The following IFRD1 variants were observed in gnomAD, a reference collection of about 807,000 sequenced individuals.
IFRD1 encodes the protein interferon related developmental regulator 1.
In IFRD1, 35 loss-of-function variants were observed where a neutral mutation model predicts 52.9. The observed-to-expected ratio is 0.66, with a 90% CI of 0.51 to 0.88. The LOEUF (loss-of-function observed/expected upper bound fraction) is 0.88, where lower values mean the gene tolerates loss of function less well. Among genes scored for constraint, IFRD1 ranks in the 40% least tolerant of loss-of-function variants. The pLI is 0.00. For missense variants in IFRD1, 517 were observed against 550.8 expected (o/e 0.94, Z 0.61); for synonymous variants, 184 against 188.4 (o/e 0.98, Z 0.19).
chr7:112,452,832 G>A (rs1223469682), intron 1 of IFRD1, among the ~76,000 whole-genome samples: 1 of 152,188 alleles, frequency 6.6e-6, no homozygotes, highest in African/African-American at 2.4e-5. Flanking sequence ...TAAACAAGTG[G>A]AAAATAATTC....
Position 112,475,228 on chromosome 7 carries a change from G to T in IFRD1, c.1267-202G>T, listed in dbSNP as rs764522653. On this transcript the variant is annotated intron_variant, in intron 11 of 11. Coordinates refer to ENST00000403825, the MANE Select transcript of IFRD1 (RefSeq NM_001550.4). ...CCACCTCGGCCTCCCAGAGTGCTGG[G>T]ATTACAGGTGTGAGCCACCTTGCAT... is the stretch of plus-strand genomic sequence containing the variant. Among the ~76,000 whole-genome samples the T allele has an allele frequency of 4.6e-5, 7 of 152,256 alleles. No individual in the cohort carries two copies. In the South Asian group the frequency reaches 6.2e-4, roughly 14 times the overall value.
rs765865687 is a variant in IFRD1, at chr7:112,472,211, T to C, written c.1042-8T>C. ...GCCTGTGGTAATTTTGGTTCTTCCA[T>C]TGGTTAGGAACGGGATTTTCCAACA... On this transcript the variant is annotated splice_region_variant and splice_polypyrimidine_tract_variant and intron_variant, in intron 9 of 11. Coordinates refer to ENST00000403825, the MANE Select transcript of IFRD1 (RefSeq NM_001550.4). 1.2e-6 allele frequency: 2 copies of C among 1,613,874 alleles called. No individual in the cohort carries two copies. The highest frequency in any genetic ancestry group is 8.5e-7 in the Non-Finnish European group (1 of 1,179,834).
At chr7:112,447,283 T>C (rs982265847), upstream of IFRD1, among the ~76,000 whole-genome samples, 1 of 152,264 alleles carries the variant, frequency 6.6e-6, no homozygotes, top group Non-Finnish European at 1.5e-5. Flanking sequence ...TAAGTTGTTT[T>C]GTAAAAGAAG....
chr7:112,425,352 G>A (rs776314146), intron 1 of IFRD1, among the ~76,000 whole-genome samples: 1 of 152,162 alleles, frequency 6.6e-6, no homozygotes, highest in African/African-American at 2.4e-5. Context: ...ACTGAATGAG[G>A]AAGATCTGCC....
At chr7:112,456,153 A>G (rs1795287123) in intron 3 of IFRD1, 67 bp downstream of exon 3, 3 of 909,888 alleles carry the variant, frequency 3.3e-6, no homozygotes, top group South Asian at 2.6e-5. Context: ...GCTAAGAGAA[A>G]TGATTATTCT....
At chr7:112,450,842 G>T (rs141852718) in intron 1 of IFRD1, 60 bp downstream of exon 1, 40 of 1,162,784 alleles carry the variant, frequency 3.4e-5, no homozygotes, top group South Asian at 1.7e-4. Flanking sequence ...AGTCTTCCAT[G>T]CTTCGGCACG....
chr7:112,468,020 C>CT lies in IFRD1; in HGVS notation c.948dup (p.Arg317Ter). On this transcript the variant is annotated frameshift_variant, in exon 9 of 12. Coordinates refer to ENST00000403825, the MANE Select transcript of IFRD1 (RefSeq NM_001550.4). LOFTEE classifies it high-confidence loss of function. Reference sequence around the variant, plus strand: ...AGACATGGAGTCCTTGACGCAGATGCTTAGGGCCTTGGCAACAGATGGAAA... The same window carrying CT: ...AGACATGGAGTCCTTGACGCAGATGCTTTAGGGCCTTGGCAACAGATGGAAA... 6.2e-7 allele frequency: 1 copy of CT among 1,613,992 alleles called. No homozygotes were observed. The highest frequency in any genetic ancestry group is 8.5e-7 in the Non-Finnish European group (1 of 1,179,920).
At chr7:112,452,137 C>G in intron 1 of IFRD1, 1 of 971,658 alleles carries the variant, frequency 1.0e-6, no homozygotes, top group Non-Finnish European at 1.2e-6. Context: ...TCTGGTTGCT[C>G]TATGTGAATT....
intron 1 of IFRD1, chr7:112,435,348 G>C (rs1214125685): frequency 6.6e-6 from 1 of 152,176 alleles, no homozygotes; most frequent in Non-Finnish European, 1.5e-5. Context: ...CCAGGACAAT[G>C]AGTCATTATT....
rs1013424578 is a variant in IFRD1, at chr7:112,470,967, T to C, written c.1042-1252T>C. Among the ~76,000 whole-genome samples, 3 of 152,212 alleles carry C rather than the reference T, an allele frequency of 2.0e-5. No individual in the cohort carries two copies. In the East Asian group the frequency reaches 5.8e-4, roughly 29 times the overall value. On this transcript the variant is annotated intron_variant, in intron 9 of 11. Transcript: ENST00000403825. ...GAGGATTGACTATATATGTAAAAGA[T>C]TGAGATTAACCTTGAATTGTGGAGG...
chr7:112,477,010 TAC>T lies in IFRD1; in HGVS notation c.*1493_*1494del, dbSNP rs1455038157. ...CTGTTGCTGAGTCCCATCCCCCAGT[TAC>T]AGTGCAGTGGAAAACAGGTTTAGAA... On this transcript the variant is annotated 3_prime_UTR_variant, in exon 12 of 12. Transcript: ENST00000403825. 1 of 152,162 alleles carries T rather than the reference TAC, an allele frequency of 6.6e-6. No homozygotes were observed. The allele number at this position is 152,162 out of a possible 1,614,324, so 9.4% of individuals were successfully genotyped here. A position where few individuals can be genotyped will look rare whatever the true frequency, so the allele number is the denominator to read the frequency against.
chr7:112,472,629 A>G lies in IFRD1; in HGVS notation c.1171-137A>G. On this transcript the variant is annotated intron_variant, in intron 10 of 11. Transcript: ENST00000403825. ...AGGCATTGAAAACAATTTGCTTTCT[A>G]TTGAGAAACAGAAAATAAGTGATCT... The G allele has an allele frequency of 4.0e-6, 3 of 748,496 alleles. No individual in the cohort carries two copies. The South Asian group carries it at 4.6e-5, about 11-fold the overall frequency. 46.4% of individuals were successfully genotyped at this position (748,496 alleles called of 1,614,324 possible). A position where few individuals can be genotyped will look rare whatever the true frequency, so the allele number is the denominator to read the frequency against.
At chr7:112,457,263 G>A in intron 4 of IFRD1, 1 of 597,570 alleles carries the variant, frequency 1.7e-6, no homozygotes, top group Non-Finnish European at 3.0e-6. Flanking sequence ...AAGGATTAGG[G>A]TAGATTGTCA....
At chr7:112,435,004 ACTT>A (rs1281935786) in intron 1 of IFRD1, among the ~76,000 whole-genome samples, 4 of 152,132 alleles carry the variant, frequency 2.6e-5, no homozygotes, top group African/African-American at 7.2e-5. Flanking sequence ...TCATTTAAAA[ACTT>A]CTTCTGAGAG....
At chr7:112,425,640 T>C (rs1358811406) in intron 1 of IFRD1, among the ~76,000 whole-genome samples, 1 of 152,182 alleles carries the variant, frequency 6.6e-6, no homozygotes, top group Non-Finnish European at 1.5e-5. Context: ...CACTACCAGC[T>C]CTCTGGTTCT....
chr7:112,470,669 C>T (rs1164775417), intron 9 of IFRD1, among the ~76,000 whole-genome samples: 2 of 152,056 alleles, frequency 1.3e-5, no homozygotes, highest in Admixed American at 1.3e-4. Context: ...TCCAGGATCC[C>T]CCTCAGATAC....
chr7:112,449,045 T>A (rs1260381569), upstream of IFRD1, among the ~76,000 whole-genome samples: 6 of 152,226 alleles, frequency 3.9e-5, no homozygotes, highest in Non-Finnish European at 8.8e-5. Flanking sequence ...TTAAAGTTAG[T>A]CATGGGAGCC....
Position 112,468,080 on chromosome 7 carries a change from CGG to C in IFRD1, c.1007_1008del (p.Arg336LeufsTer21). 1 of 1,613,978 alleles carries C rather than the reference CGG, an allele frequency of 6.2e-7. No individual in the cohort carries two copies. The highest frequency in any genetic ancestry group is 8.5e-7 in the Non-Finnish European group (1 of 1,179,914). ...GGCCAAAGTGGACAAGAGAAAGCAG[CGG>C]TCAGTTTTCAGAGATGTCCTGAGGG... ...HRAKVDKRKQ[R>X]SVFRDVLRAV... is the part of the protein sequence containing the mutation. On this transcript the variant is annotated frameshift_variant, in exon 9 of 12. Transcript: ENST00000403825. LOFTEE classifies it high-confidence loss of function.
chr7:112,450,620 G>A lies in IFRD1; in HGVS notation c.-69G>A, dbSNP rs911224866. The A allele has an allele frequency of 7.8e-7, 1 of 1,276,566 alleles. No homozygotes were observed. Among genetic ancestry groups the A allele is most frequent in the Non-Finnish European group, 1.1e-6 (1 of 875,246 alleles). 79.1% of individuals were successfully genotyped at this position (1,276,566 alleles called of 1,614,324 possible). On this transcript the variant is annotated 5_prime_UTR_variant, in exon 1 of 12. Coordinates refer to ENST00000403825, the MANE Select transcript of IFRD1 (RefSeq NM_001550.4). Reference sequence around the variant, plus strand: ...AGCCGCCCGCCGCACAGACGCACGAGTAAAAAGTGCAGCTCCATCGGCTGA... The same window carrying A: ...AGCCGCCCGCCGCACAGACGCACGAATAAAAAGTGCAGCTCCATCGGCTGA...
Sources: gnomAD v4.1 joint callset for allele counts (sites outside exome capture counted in the v4.1 genomes callset) on GRCh38, gnomAD v4.1.1 for gene constraint, MANE v1.5 for transcripts, NCBI Gene and HGNC (gene_info 2026-07-23, HGNC 2026-07-21) for gene names.